Variants in WDR27 observed in about 807,000 individuals in gnomAD.
The protein encoded by WDR27 is WD repeat domain 27.
In WDR27, 100 loss-of-function variants were observed where a neutral mutation model predicts 114.4. The observed-to-expected ratio is 0.87, with a 90% CI of 0.74 to 1.03. The LOEUF is 1.03. WDR27 is among the 50% of genes least tolerant of loss of function. WDR27 has a pLI of 0.00. For synonymous variants in WDR27, 449 were observed against 423.1 expected, an observed-to-expected ratio of 1.06 and a Z score of -0.75; for missense variants, 1,129 against 1,092.9, an observed-to-expected ratio of 1.03 and a Z score of -0.47.
chr6:169,656,869 A>C (rs984643530), intron 13 of WDR27, among the ~76,000 whole-genome samples: 1 of 148,848 alleles, frequency 6.7e-6, no homozygotes, highest in Non-Finnish European at 1.5e-5. Flanking sequence ...CAGAAGTTCC[A>C]TGACTTAATG....
intron 23 of WDR27, among the ~76,000 whole-genome samples, chr6:169,585,790 T>G (rs1474655998): frequency 6.6e-6 from 1 of 151,980 alleles, no homozygotes; most frequent in Non-Finnish European, 1.5e-5. Context: ...CAGGGGTTGG[T>G]TTTGCCGTCT....
chr6:169,627,248 C>G (rs559572528), intron 21 of WDR27, among the ~76,000 whole-genome samples: 6 of 152,274 alleles, frequency 3.9e-5, no homozygotes, highest in African/African-American at 1.4e-4. Flanking sequence ...TACAATCAAA[C>G]TAACAAAATA....
chr6:169,638,272 C>T lies in WDR27; in HGVS notation c.1869+267G>A, dbSNP rs925279961. 9.7e-5 allele frequency among the ~76,000 whole-genome samples: 7 copies of T among 71,916 alleles called. 1 individual carries two copies. The highest frequency in any genetic ancestry group is 2.2e-4 in the African/African-American group (2 of 9,100). The allele number at this position is 71,916 out of a possible 152,430, so 47.2% of individuals were successfully genotyped here. ...CGGAGCTTGCAGTGAGCCGAGATTG[C>T]GCCACTGCAGTCCGCAGTCCGACCT... On this transcript the variant is annotated intron_variant, in intron 18 of 25. Coordinates refer to ENST00000448612, the MANE Select transcript of WDR27 (RefSeq NM_182552.5).
In WDR27 at chr6:169,472,572, A is replaced by G. The variant is rs138521210; in HGVS notation, c.2646-14938T>C. 1.9e-3 allele frequency among the ~76,000 whole-genome samples: 283 copies of G among 152,356 alleles called. 2 individuals are homozygous for G. Among genetic ancestry groups the G allele is most frequent in the African/African-American group, 6.5e-3 (272 of 41,590 alleles). ...ATATATATAAAGCATTTATCATAAT[A>G]CCAGACACACAGAAAGCATTACATA... On this transcript the variant is annotated intron_variant, in intron 25 of 25. Transcript: ENST00000448612.
intron 7 of WDR27, chr6:169,664,855 G>A (rs185785847): frequency 1.2e-5 from 12 of 990,458 alleles, no homozygotes; most frequent in South Asian, 9.1e-5. Context: ...CAAGAAGCAC[G>A]GGGGATGCCA....
intron 25 of WDR27, among the ~76,000 whole-genome samples, chr6:169,531,305 G>C (rs1221367167): frequency 6.6e-6 from 1 of 152,026 alleles, no homozygotes; most frequent in African/African-American, 2.4e-5. Flanking sequence ...GAGTTCATTC[G>C]TGTTGATTCC....
intron 13 of WDR27, among the ~76,000 whole-genome samples, chr6:169,654,690 G>C (rs9371121): frequency 0.084 from 12,571 of 150,270 alleles, 1,721 homozygotes; most frequent in East Asian, 0.61. Flanking sequence ...GAGAAGCCAG[G>C]CGAGCTGAGG....
intron 25 of WDR27, among the ~76,000 whole-genome samples, chr6:169,513,425 A>C (rs1392290421): frequency 6.6e-6 from 1 of 152,130 alleles, no homozygotes; most frequent in Non-Finnish European, 1.5e-5. Flanking sequence ...CGAGGAAAGA[A>C]GTGTTGAAGG....
At chr6:169,698,407 GACAC>G in intron 1 of WDR27, among the ~76,000 whole-genome samples, 1 of 151,606 alleles carries the variant, frequency 6.6e-6, no homozygotes, top group Middle Eastern at 3.5e-3. Flanking sequence ...GGGACACACC[GACAC>G]ACACACACAC....
rs1162798861 is a variant in WDR27, at chr6:169,659,608, C to CCCAGAGCCCACCACACACAGT, written c.1130-111_1130-91dup. The CCCAGAGCCCACCACACACAGT allele has an allele frequency of 5.6e-6, 7 of 1,243,348 alleles. No homozygotes were observed. The African/African-American group carries it at 9.0e-5, about 16-fold the overall frequency. The allele number at this position is 1,243,348 out of a possible 1,614,324, so 77.0% of individuals were successfully genotyped here. On this transcript the variant is annotated intron_variant, in intron 10 of 25. Transcript: ENST00000448612. The surrounding 1 kb of genome is among the most constrained non-coding windows in gnomAD (Gnocchi z 4.3). ...ACTGCCCAGAGCCCACCACACACAG[C>CCCAGAGCCCACCACACACAGT]CCAGAGCCCACCACACACAGTCCAG...
At chr6:169,562,128 A>G (rs1047663631) in intron 25 of WDR27, among the ~76,000 whole-genome samples, 1 of 152,238 alleles carries the variant, frequency 6.6e-6, no homozygotes, top group Non-Finnish European at 1.5e-5. Flanking sequence ...GCCGCTGTCA[A>G]TCCTGGAAAG....
chr6:169,439,074 T>A, the WDR27 span, among the ~76,000 whole-genome samples: 1 of 152,198 alleles, frequency 6.6e-6, no homozygotes, highest in Admixed American at 6.5e-5. Context: ...TTAAATTGAC[T>A]TTGGGATTTT....
rs1487364626 is a variant in WDR27 at position 169,508,587 on chromosome 6, T to C, written c.2646-50953A>G. Among the ~76,000 whole-genome samples the C allele has an allele frequency of 3.9e-5, 6 of 152,298 alleles. 1 individual carries two copies. In the Middle Eastern group the frequency reaches 0.014, roughly 345 times the overall value. ...TCTATGAATTGTCTGCATGGAACAATTGCACACAAGAATATTCTGAAAGGA... is the reference window on the plus strand; with the variant it reads ...TCTATGAATTGTCTGCATGGAACAACTGCACACAAGAATATTCTGAAAGGA... On this transcript the variant is annotated intron_variant, in intron 25 of 25. Transcript: ENST00000448612.
intron 25 of WDR27, among the ~76,000 whole-genome samples, chr6:169,529,239 G>A (rs1795292832): frequency 2.8e-5 from 4 of 140,952 alleles, no homozygotes; most frequent in Admixed American, 7.5e-5. Context: ...TGTGTGAATA[G>A]ACGCATACAC....
intron 21 of WDR27, among the ~76,000 whole-genome samples, chr6:169,628,542 T>C (rs1038313890): frequency 6.6e-6 from 1 of 152,190 alleles, no homozygotes; most frequent in African/African-American, 2.4e-5. Flanking sequence ...TATTTCTCCA[T>C]TTTATGTGCC....
chr6:169,482,465 G>A (rs1788305349), intron 25 of WDR27, among the ~76,000 whole-genome samples: 1 of 152,106 alleles, frequency 6.6e-6, no homozygotes, highest in South Asian at 2.1e-4. Flanking sequence ...ATTCTGACTG[G>A]TATGAGATGG....
At position 169,632,990 on chromosome 6, in the gene WDR27, G is replaced by A. The variant is rs9396946; in HGVS notation, c.2180C>T (p.Ala727Val). 125,541 of 1,595,662 alleles carry A rather than the reference G, an allele frequency of 0.079. 14,018 individuals carry two copies. The highest frequency in any genetic ancestry group is 0.6 in the East Asian group (26,403 of 44,220). ...LNAGCSAAVI[A>V]EAHSRPVHQI... The stretch of plus-strand genomic sequence containing the variant: ...ATGGACAGGCCGTGAGTGGGCTTCC[G>A]CTATCACCGCTGCACTGCAGCCGGC... The change falls in exon 21 of 26, where the codon GCG becomes GTG. Residue 727 changes from alanine to valine, a missense_variant. Transcript: ENST00000448612.
intron 25 of WDR27, among the ~76,000 whole-genome samples, chr6:169,529,023 TCA>T (rs1795266446): frequency 6.6e-6 from 1 of 152,148 alleles, no homozygotes; most frequent in Admixed American, 6.5e-5. Flanking sequence ...GAAAATGTGT[TCA>T]CAGAGATGCT....
At chr6:169,679,184 G>A (rs976256405) in intron 2 of WDR27, among the ~76,000 whole-genome samples, 11 of 152,162 alleles carry the variant, frequency 7.2e-5, no homozygotes, top group African/African-American at 1.9e-4. Flanking sequence ...TTTGATTGAT[G>A]TCTCATGCCT....
Sources: allele counts gnomAD v4.1 joint callset (sites outside exome capture counted in the v4.1 genomes callset), GRCh38; gene constraint gnomAD v4.1.1; non-coding constraint Gnocchi (gnomAD v3.1); transcripts MANE v1.5; gene names NCBI Gene and HGNC (gene_info 2026-07-23, HGNC 2026-07-21).